DNAJC10: variants seen among roughly 807,000 people sequenced by gnomAD.
DNAJC10 encodes the protein DnaJ heat shock protein family (Hsp40) member C10.
A neutral mutation model predicts 115.0 loss-of-function variants in DNAJC10; 101 were observed. The ratio of observed to expected loss-of-function variants is 0.88; its 90% CI spans 0.75 to 1.04. The LOEUF is 1.04. DNAJC10 is among the 50% of genes least tolerant of loss of function. DNAJC10 has a pLI of 0.00. For missense variants in DNAJC10, 981 were observed against 928.8 expected (o/e 1.06, Z -0.73); for synonymous variants, 307 against 301.5 (o/e 1.02, Z -0.19).
chr2:182,771,798 A>G (rs1694570619), intron 22 of DNAJC10, among the ~76,000 whole-genome samples: 1 of 151,950 alleles, frequency 6.6e-6, no homozygotes, highest in South Asian at 2.1e-4. Context: ...TGATTTTTTG[A>G]AGGGTTTTTT....
chr2:182,745,845 G>A (rs184114173), intron 14 of DNAJC10, among the ~76,000 whole-genome samples: 98 of 151,838 alleles, frequency 6.5e-4, no homozygotes, highest in African/African-American at 2.2e-3. Context: ...CCACTAACTC[G>A]TCATCGAGCA....
rs1378481934 is a variant in DNAJC10 at position 182,794,408 on chromosome 2, G to A, written c.*17276G>A. ...TGATTCTACTGTTTGTCTTTGCAGT[G>A]AGCTATGTTTTTTTATAACATGTAG... On this transcript the variant is annotated 3_prime_UTR_variant, in exon 24 of 24. Transcript: ENST00000264065. 6.6e-6 allele frequency: 1 copy of A among 152,150 alleles called. No homozygotes were observed. Among genetic ancestry groups the A allele is most frequent in the East Asian group, 1.9e-4 (1 of 5,192 alleles). 9.4% of individuals were successfully genotyped at this position (152,150 alleles called of 1,614,324 possible).
chr2:182,755,097 T>C lies in DNAJC10; in HGVS notation c.1646T>C (p.Phe549Ser), dbSNP rs1184250052. Reference sequence around the variant, plus strand: ...CACTCTGCTGAACAAATCTTGGAGTTCATAGAGGTATTTCAGATTATAGAC... The same window carrying C: ...CACTCTGCTGAACAAATCTTGGAGTCCATAGAGGTATTTCAGATTATAGAC... Reference protein sequence around the residue: ...GHHSAEQILEFIEDLMNPSVV... With the variant: ...GHHSAEQILESIEDLMNPSVV... The change falls in exon 17 of 24, where the codon TTC becomes TCC. Residue 549 changes from phenylalanine (F) to serine (S), a missense_variant. Physicochemically the swap from Phe to Ser is radical, Grantham distance 155. Transcript: ENST00000264065. 6.3e-7 allele frequency: 1 copy of C among 1,583,856 alleles called. No individual in the cohort carries two copies. Among genetic ancestry groups the C allele is most frequent in the East Asian group, 2.2e-5 (1 of 44,602 alleles).
At chr2:182,742,339 G>A (rs1693757303) in intron 13 of DNAJC10, among the ~76,000 whole-genome samples, 1 of 152,104 alleles carries the variant, frequency 6.6e-6, no homozygotes. Flanking sequence ...ACAGGCGCAT[G>A]CCACCAAGTC....
intron 22 of DNAJC10, among the ~76,000 whole-genome samples, chr2:182,765,103 A>G (rs1199617625): frequency 6.6e-6 from 1 of 152,096 alleles, no homozygotes; most frequent in Non-Finnish European, 1.5e-5. Context: ...TTCATTAGAG[A>G]CCTCAGTAAG....
chr2:182,784,933 C>T lies in DNAJC10; in HGVS notation c.*7801C>T, dbSNP rs1345777314. 1 of 152,182 alleles carries T rather than the reference C, an allele frequency of 6.6e-6. No individual in the cohort carries two copies. The highest frequency in any genetic ancestry group is 1.5e-5 in the Non-Finnish European group (1 of 68,036). 9.4% of individuals were successfully genotyped at this position (152,182 alleles called of 1,614,324 possible). ...CAGACACATTTTTCTGATAAAATGC[C>T]ATTTCTACCTCAGTACTTGATAAGA... On this transcript the variant is annotated 3_prime_UTR_variant, in exon 24 of 24. Transcript: ENST00000264065.
intron 2 of DNAJC10, among the ~76,000 whole-genome samples, chr2:182,717,722 A>G (rs1474874352): frequency 6.6e-6 from 1 of 152,174 alleles, no homozygotes; most frequent in African/African-American, 2.4e-5. Context: ...TGTGTGTGCA[A>G]GCTACTTACT....
Position 182,790,150 on chromosome 2 carries a change from A to T in DNAJC10, c.*13018A>T, listed in dbSNP as rs933467466. 1 of 152,206 alleles carries T rather than the reference A, an allele frequency of 6.6e-6. No homozygotes were observed. The highest frequency in any genetic ancestry group is 1.5e-5 in the Non-Finnish European group (1 of 68,042). 9.4% of individuals were successfully genotyped at this position (152,206 alleles called of 1,614,324 possible). A position where few individuals can be genotyped will look rare whatever the true frequency, so the allele number is the denominator to read the frequency against. ...AAAGTTCCTCATTGTCTACCACAAA[A>T]CTAAGTATTTGTTTATAAGAAAAAG... On this transcript the variant is annotated 3_prime_UTR_variant, in exon 24 of 24. Transcript: ENST00000264065.
intron 14 of DNAJC10, 70 bp downstream of exon 14, chr2:182,743,782 T>A: frequency 9.0e-7 from 1 of 1,108,394 alleles, no homozygotes; most frequent in Non-Finnish European, 1.3e-6. Flanking sequence ...TAATTGTGCT[T>A]TTTAAACTTA....
intron 14 of DNAJC10, among the ~76,000 whole-genome samples, chr2:182,746,525 A>G (rs1037374282): frequency 7.9e-5 from 12 of 152,272 alleles, no homozygotes; most frequent in African/African-American, 2.9e-4. Context: ...GGCTGCATAA[A>G]TGTCTTCTTT....
chr2:182,771,773 A>G (rs1270548004), intron 22 of DNAJC10, among the ~76,000 whole-genome samples: 1 of 152,122 alleles, frequency 6.6e-6, no homozygotes, highest in Non-Finnish European at 1.5e-5. Flanking sequence ...TCAAAAAACC[A>G]GCTCCTAGAT....
rs1221641746 is a variant in DNAJC10, at chr2:182,792,509, A to G, written c.*15377A>G. The G allele has an allele frequency of 6.6e-5, 10 of 152,278 alleles. No homozygotes were observed. In the East Asian group the frequency reaches 1.9e-3, roughly 29 times the overall value. 9.4% of individuals were successfully genotyped at this position (152,278 alleles called of 1,614,324 possible). A position where few individuals can be genotyped will look rare whatever the true frequency, so the allele number is the denominator to read the frequency against. ...CACAAAAGTCCCATCTGATAAATGTATTGTTTAACCTCTCATTGTTTGAAA... is the reference window on the plus strand; with the variant it reads ...CACAAAAGTCCCATCTGATAAATGTGTTGTTTAACCTCTCATTGTTTGAAA... On this transcript the variant is annotated 3_prime_UTR_variant, in exon 24 of 24. Coordinates refer to ENST00000264065, the MANE Select transcript of DNAJC10 (RefSeq NM_018981.4).
intron 8 of DNAJC10, chr2:182,730,537 T>C (rs1390839292): frequency 2.2e-6 from 1 of 453,642 alleles, no homozygotes; most frequent in Admixed American, 2.4e-5. Context: ...ATTATAGAGC[T>C]TAAGGGAGCA....
intron 8 of DNAJC10, chr2:182,730,637 G>A (rs1237445129): frequency 2.3e-6 from 1 of 430,508 alleles, no homozygotes; most frequent in Non-Finnish European, 4.6e-6. Context: ...TCATGAAAAT[G>A]AATAGGAAGC....
In DNAJC10 at chr2:182,791,312, C is replaced by CA. The variant is rs1438821093; in HGVS notation, c.*14184dup. The stretch of plus-strand genomic sequence containing the variant: ...CTTAACATAGAAACTCACCCAGCCT[C>CA]AAAAGTTAAAAATTAAGAGAGATAT... On this transcript the variant is annotated 3_prime_UTR_variant, in exon 24 of 24. Coordinates refer to ENST00000264065, the MANE Select transcript of DNAJC10 (RefSeq NM_018981.4). The CA allele has an allele frequency of 6.6e-6, 1 of 151,980 alleles. No homozygotes were observed. The highest frequency in any genetic ancestry group is 1.9e-4 in the East Asian group (1 of 5,196). The allele number at this position is 151,980 out of a possible 1,614,324, so 9.4% of individuals were successfully genotyped here.
In DNAJC10 at chr2:182,787,519, CTGAAA is replaced by C. The variant is rs1448732707; in HGVS notation, c.*10388_*10392del. 1 of 152,224 alleles carries C rather than the reference CTGAAA, an allele frequency of 6.6e-6. No homozygotes were observed. The highest frequency in any genetic ancestry group is 2.1e-4 in the South Asian group (1 of 4,836). The allele number at this position is 152,224 out of a possible 1,614,324, so 9.4% of individuals were successfully genotyped here. ...ACTTTAAGTCTTTGCAGGATTACCA[CTGAAA>C]GTTCACATGCTTGGTTAGCAGTCTT... On this transcript the variant is annotated 3_prime_UTR_variant, in exon 24 of 24. Coordinates refer to ENST00000264065, the MANE Select transcript of DNAJC10 (RefSeq NM_018981.4).
chr2:182,774,760 TC>T (rs1694659222), intron 22 of DNAJC10, among the ~76,000 whole-genome samples: 1 of 152,250 alleles, frequency 6.6e-6, no homozygotes, highest in African/African-American at 2.4e-5. Flanking sequence ...TGTCACGGTT[TC>T]CCTTGGCTAG....
At chr2:182,767,931 C>A (rs113140619) in intron 22 of DNAJC10, among the ~76,000 whole-genome samples, 1 of 152,112 alleles carries the variant, frequency 6.6e-6, no homozygotes, top group Admixed American at 6.6e-5. Context: ...AAATAACATA[C>A]ACACAGTGCC....
rs1694997216 is a variant in DNAJC10, at chr2:182,788,838, G to A, written c.*11706G>A. On this transcript the variant is annotated 3_prime_UTR_variant, in exon 24 of 24. Coordinates refer to ENST00000264065, the MANE Select transcript of DNAJC10 (RefSeq NM_018981.4). ...TTAGTATGTCTACGGATTTTTTGGG[G>A]AAGAGAGATTTCACGTTAAAGGTCA... 1 of 455,922 alleles carries A rather than the reference G, an allele frequency of 2.2e-6. No homozygotes were observed. The highest frequency in any genetic ancestry group is 2.0e-5 in the African/African-American group (1 of 50,016). 28.2% of individuals were successfully genotyped at this position (455,922 alleles called of 1,614,324 possible). A position where few individuals can be genotyped will look rare whatever the true frequency, so the allele number is the denominator to read the frequency against.
Sources: allele counts gnomAD v4.1 joint callset (sites outside exome capture counted in the v4.1 genomes callset), GRCh38; gene constraint gnomAD v4.1.1; transcripts MANE v1.5; gene names NCBI Gene and HGNC (gene_info 2026-07-23, HGNC 2026-07-21).